The following BTBD9 variants were observed in gnomAD, a reference collection of about 807,000 sequenced individuals.
BTBD9 encodes BTB domain containing 9, also known as BTB/POZ domain-containing protein 9.
BTBD9 carries 49 observed loss-of-function variants against 64.3 expected under a neutral mutation model. The ratio of observed to expected loss-of-function variants is 0.76; its 90% CI spans 0.61 to 0.97. The LOEUF is 0.97. Ranked by LOEUF, BTBD9 falls within the 50% of genes least tolerant of loss-of-function variation. BTBD9 has a pLI of 0.00. For missense variants in BTBD9, 598 were observed against 762.1 expected, an observed-to-expected ratio of 0.78 and a Z score of 2.53; for synonymous variants, 260 against 274.7, an observed-to-expected ratio of 0.95 and a Z score of 0.53.
chr6:38,192,332 T>G (rs1425425437), intron 10 of BTBD9, among the ~76,000 whole-genome samples, 187 bp downstream of exon 10: 1 of 152,180 alleles, frequency 6.6e-6, no homozygotes, highest in Non-Finnish European at 1.5e-5. Context: ...TTTCATTTGC[T>G]AATGAAGAGA....
chr6:38,428,607 T>C (rs9357273), intron 6 of BTBD9, among the ~76,000 whole-genome samples: 73,052 of 151,542 alleles, frequency 0.48, 18,327 homozygotes, highest in Middle Eastern at 0.64. Context: ...GAACAGTGTT[T>C]GATACAAAGC....
chr6:38,613,617 C>A (rs1036889698), intron 1 of BTBD9, among the ~76,000 whole-genome samples: 2 of 151,372 alleles, frequency 1.3e-5, no homozygotes, highest in African/African-American at 4.9e-5. Context: ...CAGAGTGAGA[C>A]TTTATCTTTT....
chr6:38,439,379 C>T (rs1768918708), intron 6 of BTBD9, among the ~76,000 whole-genome samples: 2 of 151,812 alleles, frequency 1.3e-5, no homozygotes, highest in South Asian at 2.1e-4. Flanking sequence ...CTGCCTACCT[C>T]GGCCTCCCAA....
At chr6:38,290,148 C>T (rs2127556614) in intron 7 of BTBD9, among the ~76,000 whole-genome samples, 1 of 149,412 alleles carries the variant, frequency 6.7e-6, no homozygotes, top group Admixed American at 6.7e-5. Flanking sequence ...TAAAGCCACC[C>T]ACAGAGAAGA....
chr6:38,622,717 C>T (rs1020524227), intron 1 of BTBD9, among the ~76,000 whole-genome samples: 4 of 152,158 alleles, frequency 2.6e-5, no homozygotes, highest in Admixed American at 6.5e-5. Context: ...TCAGGCCTGC[C>T]CCTGGGGCAC....
chr6:38,570,912 G>T (rs1033461650), intron 6 of BTBD9, among the ~76,000 whole-genome samples: 42 of 152,128 alleles, frequency 2.8e-4, no homozygotes, highest in Non-Finnish European at 5.9e-5. Context: ...GTGTAAAAAA[G>T]CAATTTTTAA....
At chr6:38,188,649 G>T (rs187907429) in intron 10 of BTBD9, among the ~76,000 whole-genome samples, 16 of 152,318 alleles carry the variant, frequency 1.1e-4, no homozygotes. Context: ...TAAAACGAAG[G>T]CCACTGTTAT....
At chr6:38,236,710 T>C (rs1332973287) in intron 9 of BTBD9, among the ~76,000 whole-genome samples, 2 of 152,228 alleles carry the variant, frequency 1.3e-5, no homozygotes, top group Non-Finnish European at 2.9e-5. Flanking sequence ...TCCAGAGATT[T>C]CTGCAGCAAA....
intron 8 of BTBD9, among the ~76,000 whole-genome samples, chr6:38,274,021 CA>C (rs1410853440): frequency 5.3e-5 from 8 of 152,178 alleles, no homozygotes; most frequent in Admixed American, 2.0e-4. Context: ...TCTTCTTGTC[CA>C]CAATTTCAGG....
Position 38,169,299 on chromosome 6 carries a change from G to A in BTBD9, c.*5686C>T, listed in dbSNP as rs1208742342. The A allele has an allele frequency of 6.6e-6, 1 of 152,546 alleles. No individual in the cohort carries two copies. Among genetic ancestry groups the A allele is most frequent in the Non-Finnish European group, 1.5e-5 (1 of 68,300 alleles). 9.4% of individuals were successfully genotyped at this position (152,546 alleles called of 1,614,324 possible). ...GGCTGGGGGTAAACCCAGCAACTCA[G>A]GACTAGCAGCAGCCATCAGGGGCTG... is the stretch of plus-strand genomic sequence containing the variant. On this transcript the variant is annotated 3_prime_UTR_variant, in exon 11 of 11. Coordinates refer to ENST00000481247, the MANE Select transcript of BTBD9 (RefSeq NM_001099272.2).
intron 7 of BTBD9, among the ~76,000 whole-genome samples, chr6:38,337,516 A>C (rs1763940346): frequency 6.6e-6 from 1 of 152,180 alleles, no homozygotes; most frequent in South Asian, 2.1e-4. Flanking sequence ...CCTAGCTCAA[A>C]ATACCATTCT....
chr6:38,193,849 C>G (rs908063058), intron 9 of BTBD9: 2 of 985,386 alleles, frequency 2.0e-6, no homozygotes, highest in East Asian at 2.3e-4. Flanking sequence ...TTCCATCTTC[C>G]CTCTCACTAT....
At chr6:38,273,120 G>A (rs1178768931) in intron 8 of BTBD9, among the ~76,000 whole-genome samples, 1 of 152,180 alleles carries the variant, frequency 6.6e-6, no homozygotes, top group East Asian at 1.9e-4. Flanking sequence ...TTCCCAAGTT[G>A]CTTATGCCTG....
At chr6:38,447,554 T>C (rs970603269) in intron 6 of BTBD9, among the ~76,000 whole-genome samples, 1 of 152,184 alleles carries the variant, frequency 6.6e-6, no homozygotes, top group Admixed American at 6.5e-5. Context: ...AGCATGTTGC[T>C]AAAGAGCAAG....
intron 7 of BTBD9, among the ~76,000 whole-genome samples, chr6:38,293,723 A>G (rs1762051247): frequency 6.6e-6 from 1 of 152,228 alleles, no homozygotes. Context: ...CTCTAGAAGA[A>G]AACCTAGAGG....
At chr6:38,421,007 T>C (rs1767878442) in intron 6 of BTBD9, among the ~76,000 whole-genome samples, 1 of 152,168 alleles carries the variant, frequency 6.6e-6, no homozygotes, top group African/African-American at 2.4e-5. Context: ...TAGGATTGTC[T>C]AAAGCTTTTA....
chr6:38,329,678 GGCACAGTGGCTCAC>G (rs1303004207), intron 7 of BTBD9, among the ~76,000 whole-genome samples: 12 of 152,094 alleles, frequency 7.9e-5, no homozygotes, highest in Non-Finnish European at 1.3e-4. Flanking sequence ...GTACTGGCTG[GGCACAGTGGCTCAC>G]GCATGTAATC....
At chr6:38,299,426 C>G (rs1055877771) in intron 7 of BTBD9, among the ~76,000 whole-genome samples, 6 of 152,184 alleles carry the variant, frequency 3.9e-5, no homozygotes, top group Non-Finnish European at 8.8e-5. Context: ...CCTGAGGAAT[C>G]GCCACACTGA....
chr6:38,174,870 T>C lies in BTBD9; in HGVS notation c.*115A>G. 1 of 1,261,250 alleles carries C rather than the reference T, an allele frequency of 7.9e-7. No homozygotes were observed. The highest frequency in any genetic ancestry group is 1.4e-5 in the South Asian group (1 of 74,056). 78.1% of individuals were successfully genotyped at this position (1,261,250 alleles called of 1,614,324 possible). The stretch of plus-strand genomic sequence containing the variant: ...TGTCTGCTTTTGCAGCTAGGTCGGC[T>C]CCTCCCTGGAAAGGGGCAGAGGTGG... On this transcript the variant is annotated 3_prime_UTR_variant, in exon 11 of 11. Coordinates refer to ENST00000481247, the MANE Select transcript of BTBD9 (RefSeq NM_001099272.2).
Sources: allele counts gnomAD v4.1 joint callset (sites outside exome capture counted in the v4.1 genomes callset), GRCh38; gene constraint gnomAD v4.1.1; transcripts MANE v1.5; gene names NCBI Gene and HGNC (gene_info 2026-07-23, HGNC 2026-07-21).